ATXN1: variants seen among roughly 807,000 people sequenced by gnomAD.
ATXN1 encodes the protein ataxin 1.
In ATXN1, 8 loss-of-function variants were observed where a neutral mutation model predicts 56.4. The ratio of observed to expected loss-of-function variants is 0.14; its 90% CI spans 0.08 to 0.26. The LOEUF (loss-of-function observed/expected upper bound fraction) is 0.26, where lower values mean the gene tolerates loss of function less well. Among genes scored for constraint, ATXN1 ranks in the 10% least tolerant of loss-of-function variants. The pLI is 1.00. For missense variants in ATXN1, 987 were observed against 1,106.5 expected (o/e 0.89, Z 1.53); for synonymous variants, 514 against 494.6 (o/e 1.04, Z -0.52).
At chr6:16,751,155 G>A (rs1199419946) in intron 2 of ATXN1, among the ~76,000 whole-genome samples, 2 of 151,920 alleles carry the variant, frequency 1.3e-5, no homozygotes, top group Non-Finnish European at 2.9e-5. Flanking sequence ...TTTTAGTAGA[G>A]ACAGGATTTC....
At chr6:16,732,580 CA>C (rs777300012) in intron 2 of ATXN1, among the ~76,000 whole-genome samples, 4 of 150,742 alleles carry the variant, frequency 2.7e-5, no homozygotes, top group South Asian at 2.1e-4. Flanking sequence ...CACACACACA[CA>C]AAAAAAAATC....
chr6:16,308,329 C>CACACACACAA (rs1491080228), intron 7 of ATXN1, among the ~76,000 whole-genome samples: 1 of 75,428 alleles, frequency 1.3e-5, no homozygotes, highest in Non-Finnish European at 2.6e-5. Context: ...CCGTCACACA[C>CACACACACAA]ACACACACAC....
At chr6:16,696,642 G>A (rs1476740577) in intron 2 of ATXN1, among the ~76,000 whole-genome samples, 1 of 152,134 alleles carries the variant, frequency 6.6e-6, no homozygotes, top group Non-Finnish European at 1.5e-5. Flanking sequence ...ATGGAAGTAA[G>A]AACAAAAGTG....
At chr6:16,503,326 C>T (rs1302430989) in intron 5 of ATXN1, among the ~76,000 whole-genome samples, 1 of 152,218 alleles carries the variant, frequency 6.6e-6, no homozygotes, top group Non-Finnish European at 1.5e-5. Flanking sequence ...TACTCCTTAA[C>T]ATGGCCTATG....
intron 6 of ATXN1, among the ~76,000 whole-genome samples, chr6:16,416,675 C>T (rs547172137): frequency 2.6e-5 from 4 of 152,204 alleles, no homozygotes; most frequent in East Asian, 1.9e-4. Context: ...ACACCCTAAA[C>T]GTTTAAAATA....
rs745337463 is a variant in ATXN1 at position 16,306,605 on chromosome 6, G to A, written c.2172C>T (p.Ala724=). ...DGLAGSRHRY[A]EQENGINQGS... Reference sequence around the variant, plus strand: ...CCTGGTTGATTCCGTTTTCCTGCTCGGCATACCTGTGTCTGCTGCCCGCCA... The same window carrying A: ...CCTGGTTGATTCCGTTTTCCTGCTCAGCATACCTGTGTCTGCTGCCCGCCA... The change falls in exon 8 of 8, where the codon GCC becomes GCT. Residue 724 remains alanine, a synonymous_variant. Coordinates refer to ENST00000436367, the MANE Select transcript of ATXN1 (RefSeq NM_001128164.2). This position sits in a 1 kb window ranked among gnomAD's most constrained non-coding sequence, Gnocchi z 5.2. 4.3e-6 allele frequency: 7 copies of A among 1,614,082 alleles called. No homozygotes were observed. The East Asian group carries it at 6.7e-5, about 15-fold the overall frequency.
At position 16,328,465 on chromosome 6, in the gene ATXN1, T is replaced by G; in HGVS notation, c.-155A>C. 8.0e-6 allele frequency: 10 copies of G among 1,252,810 alleles called. No homozygotes were observed. The highest frequency in any genetic ancestry group is 1.0e-5 in the Non-Finnish European group (10 of 982,140). The allele number at this position is 1,252,810 out of a possible 1,614,324, so 77.6% of individuals were successfully genotyped here. A position where few individuals can be genotyped will look rare whatever the true frequency, so the allele number is the denominator to read the frequency against. On this transcript the variant is annotated 5_prime_UTR_variant, in exon 7 of 8. Coordinates refer to ENST00000436367, the MANE Select transcript of ATXN1 (RefSeq NM_001128164.2). This position sits in a 1 kb window ranked among gnomAD's most constrained non-coding sequence, Gnocchi z 6.2. The stretch of plus-strand genomic sequence containing the variant: ...GGGTACAATCCGCCAACAGCAGCTC[T>G]GGATGCTGGGAAAGGGAAGAGGGCA...
chr6:16,740,789 TCC>T (rs1760314056), intron 2 of ATXN1, among the ~76,000 whole-genome samples: 1 of 152,182 alleles, frequency 6.6e-6, no homozygotes, highest in South Asian at 2.1e-4. Flanking sequence ...CGCCTTGGCC[TCC>T]CAAAGCACTG....
intron 4 of ATXN1, among the ~76,000 whole-genome samples, chr6:16,541,017 T>C (rs891376694): frequency 2.6e-5 from 4 of 152,228 alleles, no homozygotes; most frequent in African/African-American, 9.6e-5. Flanking sequence ...TATGAGCTCA[T>C]CGTAACTAAA....
intron 2 of ATXN1, among the ~76,000 whole-genome samples, chr6:16,690,240 G>C (rs1313830821): frequency 1.3e-5 from 2 of 151,964 alleles, no homozygotes. Context: ...TACTGTTTTT[G>C]CTCTGATTGG....
At chr6:16,497,706 T>C (rs1174629132) in intron 5 of ATXN1, among the ~76,000 whole-genome samples, 4 of 152,186 alleles carry the variant, frequency 2.6e-5, no homozygotes, top group African/African-American at 7.2e-5. Flanking sequence ...ACTTGATTTC[T>C]AATGTCAATC....
intron 6 of ATXN1, among the ~76,000 whole-genome samples, chr6:16,452,105 A>T (rs1213972432): frequency 6.6e-6 from 1 of 152,214 alleles, no homozygotes; most frequent in Non-Finnish European, 1.5e-5. Context: ...TGCCTACTAT[A>T]GCAAGTAGAA....
intron 7 of ATXN1, among the ~76,000 whole-genome samples, chr6:16,311,630 A>T (rs1490573527): frequency 6.6e-6 from 1 of 152,246 alleles, no homozygotes; most frequent in Non-Finnish European, 1.5e-5. Flanking sequence ...ATATACATAG[A>T]CAAATATACT....
chr6:16,596,466 T>C (rs1762817263), intron 3 of ATXN1, among the ~76,000 whole-genome samples: 2 of 152,204 alleles, frequency 1.3e-5, no homozygotes. Flanking sequence ...GAGCCCTTTG[T>C]AATGCTGATA....
intron 6 of ATXN1, among the ~76,000 whole-genome samples, chr6:16,424,004 T>C (rs1365638245): frequency 1.3e-5 from 2 of 152,180 alleles, no homozygotes; most frequent in East Asian, 3.9e-4. Context: ...TTATATAAAG[T>C]CCTTTTAACC....
intron 2 of ATXN1, among the ~76,000 whole-genome samples, chr6:16,678,766 T>C (rs1319578770): frequency 6.6e-6 from 1 of 152,144 alleles, no homozygotes; most frequent in Non-Finnish European, 1.5e-5. Context: ...CTGGGTGCGG[T>C]GGCTCACGCC....
chr6:16,644,006 G>A (rs1160912326), intron 3 of ATXN1, among the ~76,000 whole-genome samples: 1 of 152,064 alleles, frequency 6.6e-6, no homozygotes, highest in East Asian at 1.9e-4. Context: ...AGACATAAAA[G>A]GACAAATATT....
chr6:16,529,177 A>C (rs1160546741), intron 4 of ATXN1, among the ~76,000 whole-genome samples: 2 of 45,538 alleles, frequency 4.4e-5, no homozygotes, highest in Non-Finnish European at 8.2e-5. Flanking sequence ...AGACTCTGTC[A>C]AAAAAAAAAA....
intron 2 of ATXN1, among the ~76,000 whole-genome samples, chr6:16,729,334 A>G (rs1410986777): frequency 6.6e-6 from 1 of 152,248 alleles, no homozygotes; most frequent in Non-Finnish European, 1.5e-5. Context: ...CTGAGAGAGC[A>G]AAGAGAAAAT....
Sources: allele counts gnomAD v4.1 joint callset (sites outside exome capture counted in the v4.1 genomes callset), GRCh38; gene constraint gnomAD v4.1.1; non-coding constraint Gnocchi (gnomAD v3.1); transcripts MANE v1.5; gene names NCBI Gene and HGNC (gene_info 2026-07-23, HGNC 2026-07-21).